Variants in MAGED1 observed in about 807,000 individuals in gnomAD.
MAGED1 encodes MAGE family member D1.
In MAGED1, 3 loss-of-function variants were observed where a neutral mutation model predicts 54.1. The ratio of observed to expected loss-of-function variants is 0.06; its 90% CI spans 0.03 to 0.14. The LOEUF (loss-of-function observed/expected upper bound fraction) is 0.14, where lower values mean the gene tolerates loss of function less well. MAGED1 is among the 10% of genes least tolerant of loss of function. The probability of loss-of-function intolerance (pLI) is 1.00; values close to 1 mark genes in which losing one functional copy is unlikely to be tolerated. For synonymous variants in MAGED1, 217 were observed against 227.3 expected (o/e 0.95, Z 0.41); for missense variants, 485 against 623.4 (o/e 0.78, Z 2.36).
intron 1 of MAGED1, among the ~76,000 whole-genome samples, chrX:51,843,221 A>G (rs189778830): frequency 2.1e-3 from 233 of 111,699 alleles, no homozygotes; most frequent in African/African-American, 7.3e-3. Flanking sequence ...TGGTAAGCTC[A>G]ATAATGTCCC....
chrX:51,847,411 G>A (rs1213200831), intron 1 of MAGED1, among the ~76,000 whole-genome samples: 5 of 111,418 alleles, frequency 4.5e-5, no homozygotes, highest in Admixed American at 9.6e-5. Flanking sequence ...TAGATTTATT[G>A]AGTTCATTTT....
chrX:51,883,878 C>T (rs192067719), intron 1 of MAGED1, among the ~76,000 whole-genome samples: 1 of 111,204 alleles, frequency 9.0e-6, no homozygotes, highest in Admixed American at 9.6e-5. Flanking sequence ...TAGATGAACT[C>T]AACAGCAAAA....
chrX:51,839,303 G>A (rs1335093390), intron 1 of MAGED1, among the ~76,000 whole-genome samples: 2 of 111,587 alleles, frequency 1.8e-5, no homozygotes, highest in African/African-American at 6.5e-5. Context: ...AGTTACTAGT[G>A]TGTCCACATT....
chrX:51,818,538 C>A (rs1925514967), intron 1 of MAGED1, among the ~76,000 whole-genome samples: 1 of 112,101 alleles, frequency 8.9e-6, no homozygotes, highest in Admixed American at 9.5e-5. Flanking sequence ...GAGTGAAAAA[C>A]AATGGTTTGT....
intron 1 of MAGED1, among the ~76,000 whole-genome samples, chrX:51,816,698 G>A (rs929482272): frequency 2.1e-4 from 22 of 103,899 alleles, no homozygotes; most frequent in African/African-American, 7.8e-4. Context: ...TTCTCAGAAT[G>A]TATCTCCATT....
chrX:51,820,178 C>T (rs1925570207), intron 1 of MAGED1, among the ~76,000 whole-genome samples: 1 of 111,742 alleles, frequency 8.9e-6, no homozygotes, highest in African/African-American at 3.2e-5. Flanking sequence ...TAACTGAAGC[C>T]TTGTAGTAAG....
rs782396572 is a variant in MAGED1, at chrX:51,896,989, C to T, written c.1334C>T (p.Ser445Leu). Residue 445 changes from serine (S) to leucine (L), a missense_variant, in exon 4 of 13, where the codon TCG becomes TTG. By Grantham distance (145) the Ser-to-Leu change is moderately radical (BLOSUM62 -2). This residue lies in a region of MAGED1 where 186 missense variants were observed against 330.3 expected (regional missense o/e 0.56). Coordinates refer to ENST00000326587, the MANE Select transcript of MAGED1 (RefSeq NM_006986.4). ...IPPDWQNLRP[S>L]PNLRPSPNSR... Reference sequence around the variant, plus strand: ...CCTGACTGGCAGAACCTGCGCCCCTCGCCTAACCTGCGCCCTTCTCCCAAC... The same window carrying T: ...CCTGACTGGCAGAACCTGCGCCCCTTGCCTAACCTGCGCCCTTCTCCCAAC... The T allele has an allele frequency of 4.1e-6, 5 of 1,211,272 alleles. No homozygotes were observed. Among genetic ancestry groups the T allele is most frequent in the East Asian group, 5.9e-5 (2 of 33,805 alleles).
At chrX:51,849,363 C>A (rs1437611085) in intron 1 of MAGED1, among the ~76,000 whole-genome samples, 1 of 110,377 alleles carries the variant, frequency 9.1e-6, no homozygotes, top group Non-Finnish European at 1.9e-5. Flanking sequence ...AAAATATGTT[C>A]TTTTCATATG....
chrX:51,805,234 CG>C (rs1309250348), intron 1 of MAGED1, among the ~76,000 whole-genome samples: 4 of 111,703 alleles, frequency 3.6e-5, no homozygotes, highest in Non-Finnish European at 3.8e-5. Context: ...ATATTTGGTA[CG>C]GTAAAGTGAA....
chrX:51,810,317 G>C (rs1216608466), intron 1 of MAGED1, among the ~76,000 whole-genome samples: 1 of 111,643 alleles, frequency 9.0e-6, no homozygotes, highest in Non-Finnish European at 1.9e-5. Flanking sequence ...TAGAAACTAA[G>C]ATGGGAATAC....
chrX:51,827,271 G>A (rs868992522), intron 1 of MAGED1, among the ~76,000 whole-genome samples: 4 of 102,864 alleles, frequency 3.9e-5, no homozygotes, highest in African/African-American at 7.1e-5. Flanking sequence ...AAAAAACAAA[G>A]AAAAAAAAAA....
At chrX:51,843,844 G>A (rs1454247825) in intron 1 of MAGED1, among the ~76,000 whole-genome samples, 9 of 111,420 alleles carry the variant, frequency 8.1e-5, no homozygotes, top group Admixed American at 5.7e-4. Context: ...GAATGATTGA[G>A]GATGGAGAAT....
chrX:51,805,515 C>T (rs1016329812), intron 1 of MAGED1, among the ~76,000 whole-genome samples: 2 of 109,766 alleles, frequency 1.8e-5, no homozygotes, highest in East Asian at 2.8e-4. Flanking sequence ...TAAGACAATC[C>T]GGGTATAGAA....
At chrX:51,807,201 C>G (rs1557355193) in intron 1 of MAGED1, among the ~76,000 whole-genome samples, 2 of 111,862 alleles carry the variant, frequency 1.8e-5, no homozygotes, top group Non-Finnish European at 3.8e-5. Flanking sequence ...TCGCATTTCT[C>G]TGATGATGGA....
Position 51,898,335 on chromosome X carries a change from T to G in MAGED1, c.1781+8T>G, listed in dbSNP as rs1928858097. On this transcript the variant is annotated splice_region_variant and intron_variant, in intron 9 of 12. Transcript: ENST00000326587. ...GATGGGACTGCGTCCTGGGTATGAT[T>G]GGGCTCTCTCATCTCTTGCCTGTTT... is the stretch of plus-strand genomic sequence containing the variant. 1.7e-6 allele frequency: 2 copies of G among 1,210,904 alleles called. No homozygotes were observed. The highest frequency in any genetic ancestry group is 5.9e-5 in the East Asian group (2 of 33,812).
chrX:51,811,678 G>A (rs1261448437), intron 1 of MAGED1, among the ~76,000 whole-genome samples: 1 of 111,566 alleles, frequency 9.0e-6, no homozygotes, highest in Non-Finnish European at 1.9e-5. Flanking sequence ...GGGGAAGTGG[G>A]AGTAGATTAC....
intron 1 of MAGED1, among the ~76,000 whole-genome samples, chrX:51,812,901 A>T (rs1004504114): frequency 1.5e-4 from 16 of 107,760 alleles, no homozygotes; most frequent in Non-Finnish European, 2.5e-4. Flanking sequence ...ATTTCTCCAC[A>T]TCCTTGCTAA....
chrX:51,901,852 C>T lies in MAGED1; in HGVS notation c.2259C>T (p.Pro753=). 2 of 1,211,352 alleles carry T rather than the reference C, an allele frequency of 1.7e-6. No individual in the cohort carries two copies. Among genetic ancestry groups the T allele is most frequent in the Non-Finnish European group, 2.2e-6 (2 of 895,411 alleles). Reference sequence around the variant, plus strand: ...GATTCCCTCAGACCTTTGCCGGTCCCATTATTGGTCCTGGTGGTACAGCCA... The same window carrying T: ...GATTCCCTCAGACCTTTGCCGGTCCTATTATTGGTCCTGGTGGTACAGCCA... ...RSRFPQTFAG[P]IIGPGGTASA... is the part of the protein sequence containing the mutation. The change falls in exon 12 of 13, where the codon CCC becomes CCT. Residue 753 remains proline, a synonymous_variant. Transcript: ENST00000326587.
chrX:51,809,084 A>G (rs1557355344), intron 1 of MAGED1, among the ~76,000 whole-genome samples: 1 of 111,663 alleles, frequency 9.0e-6, no homozygotes, highest in Non-Finnish European at 1.9e-5. Context: ...AGCCTTATAA[A>G]GCCCTTGCAT....
Sources: gnomAD v4.1 joint callset for allele counts (sites outside exome capture counted in the v4.1 genomes callset) on GRCh38, gnomAD v4.1.1 for gene constraint, gnomAD v4.1.1 regional missense constraint, MANE v1.5 for transcripts, NCBI Gene and HGNC (gene_info 2026-07-23, HGNC 2026-07-21) for gene names.